The following UNC13A variants were observed in gnomAD, a reference collection of about 807,000 sequenced individuals.
UNC13A encodes unc-13 homolog A, also known as protein unc-13 homolog A.
UNC13A carries 61 observed loss-of-function variants against 219.7 expected under a neutral mutation model. The observed-to-expected ratio is 0.28, with a 90% CI of 0.23 to 0.34. UNC13A has a LOEUF of 0.34. UNC13A is among the 10% of genes least tolerant of loss of function. The probability of loss-of-function intolerance (pLI) is 1.00; values close to 1 mark genes in which losing one functional copy is unlikely to be tolerated. For missense variants in UNC13A, 1,476 were observed against 2,270.3 expected (o/e 0.65, Z 7.11); for synonymous variants, 920 against 884.6 (o/e 1.04, Z -0.71).
intron 16 of UNC13A, 96 bp downstream of exon 16, chr19:17,648,335 C>T: frequency 8.0e-7 from 1 of 1,256,456 alleles, no homozygotes; most frequent in Non-Finnish European, 1.1e-6. Context: ...CCCATGGTGC[C>T]CCACCCATCG....
At position 17,605,747 on chromosome 19, in the gene UNC13A, C is replaced by T. The variant is rs2076516759; in HGVS notation, c.*307G>A. 2.9e-6 allele frequency: 1 copy of T among 339,844 alleles called. No homozygotes were observed. The highest frequency in any genetic ancestry group is 5.3e-6 in the Non-Finnish European group (1 of 189,020). 21.1% of individuals were successfully genotyped at this position (339,844 alleles called of 1,614,324 possible). A position where few individuals can be genotyped will look rare whatever the true frequency, so the allele number is the denominator to read the frequency against. Reference sequence around the variant, plus strand: ...CAGAGCCCCGGGATGTGGCCTCCTCCATAGGGACGAGGTTTCCCCCATCCC... The same window carrying T: ...CAGAGCCCCGGGATGTGGCCTCCTCTATAGGGACGAGGTTTCCCCCATCCC... On this transcript the variant is annotated 3_prime_UTR_variant, in exon 44 of 44. Transcript: ENST00000519716.
intron 36 of UNC13A, among the ~76,000 whole-genome samples, chr19:17,622,092 A>G (rs2076735285): frequency 6.6e-6 from 1 of 151,582 alleles, no homozygotes; most frequent in Admixed American, 6.6e-5. Context: ...AGGCAGAGAC[A>G]GGAAAGAGAG....
chr19:17,606,482 A>T, intron 43 of UNC13A, 128 bp from the exon 44 acceptor site: 1 of 1,286,326 alleles, frequency 7.8e-7, no homozygotes, highest in East Asian at 2.7e-5. Context: ...CTCCCACGCT[A>T]CGCTAGCCCC....
chr19:17,683,588 G>A (rs1422030671), intron 1 of UNC13A, among the ~76,000 whole-genome samples: 1 of 151,184 alleles, frequency 6.6e-6, no homozygotes. Flanking sequence ...AACTTGGAAG[G>A]TGGAGGTTTC....
At chr19:17,648,188 C>T (rs1457642266) in intron 16 of UNC13A, among the ~76,000 whole-genome samples, 1 of 151,328 alleles carries the variant, frequency 6.6e-6, no homozygotes, top group Non-Finnish European at 1.5e-5. Context: ...CCCCACCCCT[C>T]TCTGACACCC....
chr19:17,675,806 G>A (rs1318342353), intron 2 of UNC13A, among the ~76,000 whole-genome samples: 1 of 152,028 alleles, frequency 6.6e-6, no homozygotes, highest in East Asian at 1.9e-4. Flanking sequence ...AGGATGGCTG[G>A]GGAGACCCGG....
rs778439303 is a variant in UNC13A, at chr19:17,617,869, G to A, written c.4411-20C>T. On this transcript the variant is annotated intron_variant, in intron 40 of 43. Transcript: ENST00000519716. ...ATATTGCTGGGGAGGACAGGGTGGGGAGAGGTGAGGATGGTGGGAACCTCT... is the reference window on the plus strand; with the variant it reads ...ATATTGCTGGGGAGGACAGGGTGGGAAGAGGTGAGGATGGTGGGAACCTCT... 1.5e-5 allele frequency: 24 copies of A among 1,613,280 alleles called. 1 individual carries two copies. In the South Asian group the frequency reaches 2.6e-4, roughly 18 times the overall value.
At chr19:17,663,259 T>G (rs1332603755) in intron 8 of UNC13A, among the ~76,000 whole-genome samples, 2 of 151,824 alleles carry the variant, frequency 1.3e-5, no homozygotes, top group Non-Finnish European at 2.9e-5. Flanking sequence ...ACAAGCAGGT[T>G]GTTGGTCTAA....
At chr19:17,648,358 GC>G in intron 16 of UNC13A, 72 bp downstream of exon 16, 1 of 996,554 alleles carries the variant, frequency 1.0e-6, no homozygotes, top group Non-Finnish European at 1.2e-6. Context: ...TTGCCCTTCA[GC>G]CTTTCCCCGC....
At chr19:17,644,745 G>A (rs968459160) in intron 19 of UNC13A, among the ~76,000 whole-genome samples, 2 of 152,008 alleles carry the variant, frequency 1.3e-5, no homozygotes, top group African/African-American at 4.8e-5. Flanking sequence ...GGGCTGGAGT[G>A]CAGCAGTGTG....
chr19:17,628,289 C>G (rs1001224812), intron 31 of UNC13A: 5 of 316,470 alleles, frequency 1.6e-5, no homozygotes, highest in Non-Finnish European at 3.0e-5. Flanking sequence ...TTTGCAACAG[C>G]CAGACAGTGA....
chr19:17,617,599 A>G (rs1568502861), intron 41 of UNC13A, 103 bp downstream of exon 41: 37 of 1,507,754 alleles, frequency 2.5e-5, no homozygotes, highest in Non-Finnish European at 3.1e-5. Flanking sequence ...ATTCCGCCCC[A>G]TCCATGACGT....
At chr19:17,621,912 T>C (rs1265677431) in intron 36 of UNC13A, 42 bp from the exon 37 acceptor site, 3 of 1,610,060 alleles carry the variant, frequency 1.9e-6, no homozygotes, top group Non-Finnish European at 2.5e-6. Context: ...TGGCAAGTCG[T>C]GCAGGGTGGG....
At chr19:17,635,918 G>T in intron 26 of UNC13A, 106 bp downstream of exon 26, 2 of 1,377,240 alleles carry the variant, frequency 1.5e-6, no homozygotes, top group Non-Finnish European at 2.0e-6. Flanking sequence ...ACCCCCAGGT[G>T]CACATTTGTG....
At chr19:17,648,409 T>G in intron 16 of UNC13A, 22 bp downstream of exon 16, 1 of 1,405,130 alleles carries the variant, frequency 7.1e-7, no homozygotes, top group Middle Eastern at 2.6e-4. Context: ...CCCGTGGCCC[T>G]GCGCTCAGGC....
At chr19:17,634,763 T>C (rs752994902) in intron 26 of UNC13A, among the ~76,000 whole-genome samples, 58 of 152,256 alleles carry the variant, frequency 3.8e-4, no homozygotes, top group Non-Finnish European at 6.0e-4. Flanking sequence ...TGGCGCAATC[T>C]CGACTCACTG....
At chr19:17,682,365 G>A (rs774520699) in intron 1 of UNC13A, among the ~76,000 whole-genome samples, 1 of 152,224 alleles carries the variant, frequency 6.6e-6, no homozygotes, top group East Asian at 1.9e-4. Flanking sequence ...AACGTAGATG[G>A]TGGATGCTAC....
intron 38 of UNC13A, 23 bp from the exon 39 acceptor site, chr19:17,618,985 G>A (rs1337790157): frequency 6.2e-7 from 1 of 1,613,298 alleles, no homozygotes; most frequent in East Asian, 2.2e-5. Context: ...ACATACAGCT[G>A]GGTGAGGGCA....
At position 17,656,107 on chromosome 19, in the gene UNC13A, G is replaced by A. The variant is rs780547897; in HGVS notation, c.1059C>T (p.Asp353=). The A allele has an allele frequency of 2.1e-5, 32 of 1,552,516 alleles. No homozygotes were observed. Among genetic ancestry groups the A allele is most frequent in the South Asian group, 3.6e-5 (3 of 84,098 alleles). ...ELEEEEEEVP[D]DLGSYAQRED... is the part of the protein sequence containing the mutation. The stretch of plus-strand genomic sequence containing the variant: ...CACGCTGGGCATAGCTGCCCAAATC[G>A]TCAGGCACCTCCTCCTCCTCCTCCT... The change falls in exon 10 of 44, where the codon GAC becomes GAT. Residue 353 remains aspartate (D), a synonymous_variant. Coordinates refer to ENST00000519716, the MANE Select transcript of UNC13A (RefSeq NM_001080421.3).
Sources: gnomAD v4.1 joint callset for allele counts (sites outside exome capture counted in the v4.1 genomes callset) on GRCh38, gnomAD v4.1.1 for gene constraint, MANE v1.5 for transcripts, NCBI Gene and HGNC (gene_info 2026-07-23, HGNC 2026-07-21) for gene names.